The following CCDC144A variants were observed in gnomAD, a reference collection of about 807,000 sequenced individuals.
The protein encoded by CCDC144A is coiled-coil domain containing 144A.
CCDC144A carries 41 observed loss-of-function variants against 143.8 expected under a neutral mutation model. The observed-to-expected ratio is 0.29, with a 90% CI of 0.22 to 0.37. CCDC144A has a LOEUF of 0.37. CCDC144A is among the 10% of genes least tolerant of loss of function. The probability of loss-of-function intolerance (pLI) is 1.00; values close to 1 mark genes in which losing one functional copy is unlikely to be tolerated. For missense variants in CCDC144A, 637 were observed against 1,488.8 expected (o/e 0.43, Z 9.41); for synonymous variants, 242 against 517.9 (o/e 0.47, Z 7.23).
At chr17:16,745,830 A>G in intron 12 of CCDC144A, 1 of 1,607,052 alleles carries the variant, frequency 6.2e-7, no homozygotes, top group Non-Finnish European at 8.5e-7. Context: ...CAGTCTCTCC[A>G]TGGCCTCCCC....
Position 16,709,372 on chromosome 17 carries a change from G to C in CCDC144A, c.1315G>C (p.Glu439Gln). The C allele has an allele frequency of 1.9e-6, 3 of 1,611,646 alleles. No homozygotes were observed. Among genetic ancestry groups the C allele is most frequent in the Non-Finnish European group, 2.5e-6 (3 of 1,179,642 alleles). ...KARNPEVVMV[E>Q]MKEDQEFDLQ... ...AAGGAACCCAGAAGTGGTTATGGTT[G>C]AAATGAAAGAAGACCAAGAGTTTGA... The change falls in exon 5 of 17, where the codon GAA (glutamate) becomes CAA (glutamine). Residue 439 changes from glutamate to glutamine, a missense_variant. Transcript: ENST00000399273.
chr17:16,731,264 G>A (rs1310340058), intron 9 of CCDC144A: 1 of 155,438 alleles, frequency 6.4e-6, no homozygotes, highest in Non-Finnish European at 1.4e-5. Flanking sequence ...AGACAGCTTA[G>A]GCTAGTCTTG....
the CCDC144A span, among the ~76,000 whole-genome samples, chr17:16,675,015 TC>T: frequency 0.11 from 17,057 of 151,990 alleles, 1,262 homozygotes; most frequent in South Asian, 0.3. Context: ...ATGCCTGTAA[TC>T]CCAGCACTTT....
the CCDC144A span, among the ~76,000 whole-genome samples, chr17:16,670,872 A>G: frequency 1.3e-5 from 2 of 152,140 alleles, no homozygotes; most frequent in African/African-American, 4.8e-5. Context: ...TGTTTTATAA[A>G]GCATAAAGTC....
rs1273661076 is a variant in CCDC144A, at chr17:16,705,339, A to G, written c.604A>G (p.Asn202Asp). 1 of 876,256 alleles carries G rather than the reference A, an allele frequency of 1.1e-6. No homozygotes were observed. The highest frequency in any genetic ancestry group is 1.9e-6 in the Non-Finnish European group (1 of 523,028). 54.3% of individuals were successfully genotyped at this position (876,256 alleles called of 1,614,324 possible). A position where few individuals can be genotyped will look rare whatever the true frequency, so the allele number is the denominator to read the frequency against. ...CACTGGAGTTGTACTTCTCTCAGGG[A>G]ATGATACTCTCCATGACCTGTGCCA... Reference protein sequence around the residue: ...MDTGVVLLSGNDTLHDLCQSQ... With the variant: ...MDTGVVLLSGDDTLHDLCQSQ... Residue 202 changes from asparagine to aspartate, a missense_variant, in exon 3 of 17, where the codon AAT becomes GAT. By Grantham distance (23) the Asn-to-Asp change is conservative. Coordinates refer to ENST00000399273, the MANE Select transcript of CCDC144A (RefSeq NM_001382000.1).
intron 12 of CCDC144A, among the ~76,000 whole-genome samples, chr17:16,756,898 C>T (rs1256436948): frequency 1.3e-5 from 2 of 152,206 alleles, no homozygotes; most frequent in Non-Finnish European, 2.9e-5. Context: ...TCAACATCAG[C>T]GTCTGTAAGT....
chr17:16,726,398 GAGAT>G (rs1278024619), intron 8 of CCDC144A, among the ~76,000 whole-genome samples: 2 of 141,770 alleles, frequency 1.4e-5, no homozygotes, highest in Non-Finnish European at 3.0e-5. Context: ...AAAAAAAAGA[GAGAT>G]AAAAAAAAAA....
At chr17:16,678,900 G>A in the CCDC144A span, among the ~76,000 whole-genome samples, 4 of 151,758 alleles carry the variant, frequency 2.6e-5, no homozygotes, top group South Asian at 4.2e-4. Flanking sequence ...GATTACAGGC[G>A]TGTGCCACCA....
intron 14 of CCDC144A, 82 bp from the exon 15 acceptor site, chr17:16,763,883 A>G (rs1915483357): frequency 7.1e-7 from 1 of 1,398,818 alleles, no homozygotes; most frequent in African/African-American, 1.5e-5. Flanking sequence ...CTTAATGGCA[A>G]CTTTTAGAAC....
chr17:16,753,434 T>TGTTGTTGTTGTTTTTG (rs1307923345), intron 12 of CCDC144A, among the ~76,000 whole-genome samples: 1 of 118,562 alleles, frequency 8.4e-6, no homozygotes, highest in Non-Finnish European at 1.6e-5. Context: ...TGTAGTTTTT[T>TGTTGTTGTTGTTTTTG]TTTTTTTTTT....
chr17:16,736,390 G>T (rs1379064286), intron 12 of CCDC144A, among the ~76,000 whole-genome samples: 2 of 152,142 alleles, frequency 1.3e-5, no homozygotes, highest in South Asian at 4.2e-4. Flanking sequence ...GGGATTAGAG[G>T]CATGAGCCAC....
chr17:16,667,682 A>G, the CCDC144A span, among the ~76,000 whole-genome samples: 1 of 151,984 alleles, frequency 6.6e-6, no homozygotes, highest in Non-Finnish European at 1.5e-5. Context: ...AATGTTATTT[A>G]GGATATTTTA....
At chr17:16,667,436 T>A in the CCDC144A span, among the ~76,000 whole-genome samples, 2 of 150,230 alleles carry the variant, frequency 1.3e-5, no homozygotes, top group Non-Finnish European at 3.0e-5. Flanking sequence ...CTGAAGGGAC[T>A]GAGGGGCTGA....
intron 12 of CCDC144A, among the ~76,000 whole-genome samples, chr17:16,756,087 CA>C (rs1201653701): frequency 1.3e-5 from 2 of 152,356 alleles, no homozygotes; most frequent in Non-Finnish European, 2.9e-5. Flanking sequence ...GCAGAGAAGA[CA>C]TTTTTTATTG....
chr17:16,692,213 C>T (rs1300461879), intron 1 of CCDC144A, among the ~76,000 whole-genome samples: 2 of 151,530 alleles, frequency 1.3e-5, no homozygotes, highest in African/African-American at 4.9e-5. Flanking sequence ...TAACAAAGAT[C>T]TGCCGATTCA....
chr17:16,709,103 C>G lies in CCDC144A; in HGVS notation c.1046C>G (p.Ala349Gly), dbSNP rs1317030729. The G allele has an allele frequency of 1.2e-6, 2 of 1,611,484 alleles. No homozygotes were observed. Among genetic ancestry groups the G allele is most frequent in the Non-Finnish European group, 1.7e-6 (2 of 1,179,638 alleles). ...ATACCTGGTTGTGAGGAAGAAGATG[C>G]ATCTGAAATATCTGTCTCAGTGGTA... ...NNIPGCEEED[A>G]SEISVSVVFE... Residue 349 changes from alanine to glycine, a missense_variant, in exon 5 of 17, where the codon GCA becomes GGA. Coordinates refer to ENST00000399273, the MANE Select transcript of CCDC144A (RefSeq NM_001382000.1).
chr17:16,669,952 G>C, the CCDC144A span, among the ~76,000 whole-genome samples: 6 of 152,238 alleles, frequency 3.9e-5, no homozygotes, highest in East Asian at 9.7e-4. Context: ...GGAGGCTGAG[G>C]GGGGTGGATA....
At chr17:16,694,215 T>TA (rs1249112404) in intron 2 of CCDC144A, among the ~76,000 whole-genome samples, 2 of 151,022 alleles carry the variant, frequency 1.3e-5, no homozygotes, top group African/African-American at 2.4e-5. Context: ...TTTGTGTCAC[T>TA]AAAAAAAAGA....
At chr17:16,762,202 C>T (rs375455787) in intron 13 of CCDC144A, 111 bp from the exon 14 acceptor site, 12 of 1,497,956 alleles carry the variant, frequency 8.0e-6, no homozygotes, top group Middle Eastern at 1.8e-4. Context: ...CTCTGAATCA[C>T]GTACTTAAAA....
Sources: allele counts gnomAD v4.1 joint callset (sites outside exome capture counted in the v4.1 genomes callset), GRCh38; gene constraint gnomAD v4.1.1; transcripts MANE v1.5; gene names NCBI Gene and HGNC (gene_info 2026-07-23, HGNC 2026-07-21).